Variants in RCAN3 observed in about 807,000 individuals in gnomAD.
The protein encoded by RCAN3 is calcipressin-3.
Under a neutral mutation model 21.9 loss-of-function variants are expected in RCAN3, and 19 were observed. The ratio of observed to expected loss-of-function variants is 0.87; its 90% CI spans 0.61 to 1.27. RCAN3 has a LOEUF of 1.27. Ranked by LOEUF, RCAN3 falls within the 50% of genes most tolerant of loss-of-function variation. The pLI is 0.00. For missense variants in RCAN3, 240 were observed against 300.1 expected (o/e 0.80, Z 1.48); for synonymous variants, 114 against 112.3 (o/e 1.01, Z -0.09).
At chr1:24,533,376 T>C in intron 4 of RCAN3, 122 bp downstream of exon 4, 1 of 726,438 alleles carries the variant, frequency 1.4e-6, no homozygotes. Flanking sequence ...CACACCTGGG[T>C]TCAGATTCCA....
intron 1 of RCAN3, among the ~76,000 whole-genome samples, chr1:24,504,610 T>A (rs146008936): frequency 6.6e-6 from 1 of 152,308 alleles, no homozygotes; most frequent in African/African-American, 2.4e-5. Flanking sequence ...TTATATGGTG[T>A]TAGAGTTGTT....
chr1:24,537,469 C>T lies in RCAN3; in HGVS notation c.*2192C>T, dbSNP rs543915296. On this transcript the variant is annotated 3_prime_UTR_variant, in exon 5 of 5. Coordinates refer to ENST00000374395, the MANE Select transcript of RCAN3 (RefSeq NM_013441.4). Reference sequence around the variant, plus strand: ...AAATGAACCAGGATCTTAACAGATACTATCATCGCTGTCCTTTTTTGGCTG... The same window carrying T: ...AAATGAACCAGGATCTTAACAGATATTATCATCGCTGTCCTTTTTTGGCTG... 1 of 152,198 alleles carries T rather than the reference C, an allele frequency of 6.6e-6. No homozygotes were observed. Among genetic ancestry groups the T allele is most frequent in the South Asian group, 2.1e-4 (1 of 4,828 alleles). The allele number at this position is 152,198 out of a possible 1,614,324, so 9.4% of individuals were successfully genotyped here. A position where few individuals can be genotyped will look rare whatever the true frequency, so the allele number is the denominator to read the frequency against.
In RCAN3 at chr1:24,531,817, C is replaced by T. The variant is rs559700793; in HGVS notation, c.369+426C>T. Among the ~76,000 whole-genome samples the T allele has an allele frequency of 2.0e-5, 3 of 152,274 alleles. No homozygotes were observed. The South Asian group carries it at 6.2e-4, about 32-fold the overall frequency. On this transcript the variant is annotated intron_variant, in intron 3 of 4. Coordinates refer to ENST00000374395, the MANE Select transcript of RCAN3 (RefSeq NM_013441.4). ...TTCATATGAGGAACCAGGGAGGTCA[C>T]GGAACTGTACAAAAGGGCTGTCTTC...
intron 2 of RCAN3, among the ~76,000 whole-genome samples, chr1:24,523,138 A>G (rs1030614032): frequency 1.3e-5 from 2 of 150,588 alleles, no homozygotes; most frequent in African/African-American, 4.9e-5. Flanking sequence ...ATCTCAGCTC[A>G]CTGCAACCTT....
At position 24,523,648 on chromosome 1, in the gene RCAN3, A is replaced by ATATAT. The variant is rs113786883; in HGVS notation, c.196-7569_196-7568insATATT. Among the ~76,000 whole-genome samples the ATATAT allele has an allele frequency of 1.4e-3, 193 of 139,800 alleles. 2 individuals carry two copies. Among genetic ancestry groups the ATATAT allele is most frequent in the African/African-American group, 5.2e-3 (170 of 32,426 alleles). The allele number at this position is 139,800 out of a possible 152,430, so 91.7% of individuals were successfully genotyped here. ...CACACACACACACACACACATATAT[A>ATATAT]TTTTTTTTCTTCAGATGGAGTCTCA... On this transcript the variant is annotated intron_variant, in intron 2 of 4. Coordinates refer to ENST00000374395, the MANE Select transcript of RCAN3 (RefSeq NM_013441.4).
At position 24,508,502 on chromosome 1, in the gene RCAN3, A is replaced by G. The variant is rs561698758; in HGVS notation, c.-60+5352A>G. On this transcript the variant is annotated intron_variant, in intron 1 of 4. Transcript: ENST00000374395. ...AAGTCACGCAGGAGAGAAAGATGAA[A>G]AAAGGATGAGGATGTGGAGAAAGAG... 2.9e-4 allele frequency among the ~76,000 whole-genome samples: 44 copies of G among 152,338 alleles called. 1 individual carries two copies. The South Asian group carries it at 7.9e-3, about 27-fold the overall frequency.
At chr1:24,523,992 G>A (rs577545587) in intron 2 of RCAN3, among the ~76,000 whole-genome samples, 3 of 152,238 alleles carry the variant, frequency 2.0e-5, no homozygotes, top group Admixed American at 6.5e-5. Context: ...TTGGGAGGCC[G>A]AGGTGGGTGG....
In RCAN3 at chr1:24,539,472, A is replaced by G. The variant is rs1274242163; in HGVS notation, c.*4195A>G. The stretch of plus-strand genomic sequence containing the variant: ...TTTATGTGGGCCTTCCCAGATTTTC[A>G]TATTAATGAAATGACTAATAGTCGT... On this transcript the variant is annotated 3_prime_UTR_variant, in exon 5 of 5. Transcript: ENST00000374395. 6.6e-6 allele frequency: 1 copy of G among 152,220 alleles called. No individual in the cohort carries two copies. The highest frequency in any genetic ancestry group is 6.5e-5 in the Admixed American group (1 of 15,280). 9.4% of individuals were successfully genotyped at this position (152,220 alleles called of 1,614,324 possible). A position where few individuals can be genotyped will look rare whatever the true frequency, so the allele number is the denominator to read the frequency against.
intron 2 of RCAN3, among the ~76,000 whole-genome samples, chr1:24,515,477 T>C (rs1196725688): frequency 6.6e-6 from 1 of 150,922 alleles, no homozygotes; most frequent in African/African-American, 2.5e-5. Flanking sequence ...TTGTTTTGTT[T>C]TTCCCCGTCA....
intron 2 of RCAN3, among the ~76,000 whole-genome samples, chr1:24,530,379 A>AAAAAAAAG (rs869086939): frequency 1.4e-5 from 2 of 143,050 alleles, no homozygotes; most frequent in African/African-American, 5.3e-5. Flanking sequence ...AAAAAAAAAA[A>AAAAAAAAG]GACAGTCACA....
intron 1 of RCAN3, among the ~76,000 whole-genome samples, chr1:24,513,389 G>C (rs556573036): frequency 6.6e-6 from 1 of 152,144 alleles, no homozygotes; most frequent in African/African-American, 2.4e-5. Context: ...GGATTGGCCA[G>C]ATGTGGTGGC....
At position 24,537,543 on chromosome 1, in the gene RCAN3, T is replaced by G. The variant is rs1412170321; in HGVS notation, c.*2266T>G. ...AATTTACAAGAGATAAGTCTCATGGTTTTTTTTTTCTTTTAATAGGCTTTT... is the reference window on the plus strand; with the variant it reads ...AATTTACAAGAGATAAGTCTCATGGGTTTTTTTTTCTTTTAATAGGCTTTT... On this transcript the variant is annotated 3_prime_UTR_variant, in exon 5 of 5. Coordinates refer to ENST00000374395, the MANE Select transcript of RCAN3 (RefSeq NM_013441.4). 1 of 149,370 alleles carries G rather than the reference T, an allele frequency of 6.7e-6. No individual in the cohort carries two copies. The highest frequency in any genetic ancestry group is 2.5e-5 in the African/African-American group (1 of 40,670). The allele number at this position is 149,370 out of a possible 1,614,324, so 9.3% of individuals were successfully genotyped here. A position where few individuals can be genotyped will look rare whatever the true frequency, so the allele number is the denominator to read the frequency against.
At position 24,537,948 on chromosome 1, in the gene RCAN3, T is replaced by TTTAGAAATCA. The variant is rs1204850714; in HGVS notation, c.*2673_*2682dup. On this transcript the variant is annotated 3_prime_UTR_variant, in exon 5 of 5. Coordinates refer to ENST00000374395, the MANE Select transcript of RCAN3 (RefSeq NM_013441.4). ...TTGATAGTATAGTAGCCATGTTTTC[T>TTTAGAAATCA]TTAGAAATCATAACCTCTTCATGGG... is the stretch of plus-strand genomic sequence containing the variant. 11 of 152,258 alleles carry TTTAGAAATCA rather than the reference T, an allele frequency of 7.2e-5. No individual in the cohort carries two copies. Among genetic ancestry groups the TTTAGAAATCA allele is most frequent in the Non-Finnish European group, 1.5e-4 (10 of 68,048 alleles). 9.4% of individuals were successfully genotyped at this position (152,258 alleles called of 1,614,324 possible). A position where few individuals can be genotyped will look rare whatever the true frequency, so the allele number is the denominator to read the frequency against.
chr1:24,537,899 C>CA lies in RCAN3; in HGVS notation c.*2632dup, dbSNP rs374218627. 22 of 145,538 alleles carry CA rather than the reference C, an allele frequency of 1.5e-4. No individual in the cohort carries two copies. Among genetic ancestry groups the CA allele is most frequent in the Middle Eastern group, 6.8e-3 (2 of 292 alleles). The allele number at this position is 145,538 out of a possible 1,614,324, so 9.0% of individuals were successfully genotyped here. A position where few individuals can be genotyped will look rare whatever the true frequency, so the allele number is the denominator to read the frequency against. On this transcript the variant is annotated 3_prime_UTR_variant, in exon 5 of 5. Transcript: ENST00000374395. ...CGGCAACAAGAGCGAAACTCCGTCT[C>CA]AAAAAAAAAAGATTTAACCCTGATT...
At position 24,539,241 on chromosome 1, in the gene RCAN3, A is replaced by T. The variant is rs1264791023; in HGVS notation, c.*3964A>T. ...ATACTAATTCCTGGCATCAGAAAAA[A>T]AAAAAGGCATGAGGTGGGAGGATTC... On this transcript the variant is annotated 3_prime_UTR_variant, in exon 5 of 5. Transcript: ENST00000374395. The T allele has an allele frequency of 6.6e-6, 1 of 152,108 alleles. No individual in the cohort carries two copies. Among genetic ancestry groups the T allele is most frequent in the Non-Finnish European group, 1.5e-5 (1 of 68,008 alleles). 9.4% of individuals were successfully genotyped at this position (152,108 alleles called of 1,614,324 possible). A position where few individuals can be genotyped will look rare whatever the true frequency, so the allele number is the denominator to read the frequency against.
chr1:24,526,673 AATATT>A (rs1234596065), intron 2 of RCAN3, among the ~76,000 whole-genome samples: 3 of 152,220 alleles, frequency 2.0e-5, no homozygotes, highest in African/African-American at 7.2e-5. Context: ...ACAAAGTACT[AATATT>A]TTATAAGCTA....
rs1184686358 is a variant in RCAN3 at position 24,531,212 on chromosome 1, T to C, written c.196-6T>C. The C allele has an allele frequency of 2.6e-6, 4 of 1,509,458 alleles. No individual in the cohort carries two copies. The African/African-American group carries it at 5.6e-5, about 21-fold the overall frequency. 93.5% of individuals were successfully genotyped at this position (1,509,458 alleles called of 1,614,324 possible). A position where few individuals can be genotyped will look rare whatever the true frequency, so the allele number is the denominator to read the frequency against. On this transcript the variant is annotated splice_polypyrimidine_tract_variant and splice_region_variant and intron_variant, in intron 2 of 4. Transcript: ENST00000374395. ...TTCCCTTTGCCTTGCTGCTCCTTAA[T>C]TGTAGGAAAGATTTGAAGCACTCTT...
intron 2 of RCAN3, among the ~76,000 whole-genome samples, chr1:24,521,091 A>G (rs567093034): frequency 6.6e-6 from 1 of 152,370 alleles, no homozygotes; most frequent in Admixed American, 6.5e-5. Context: ...ACAGTGTGGT[A>G]CTGGCATAAA....
chr1:24,530,608 A>G (rs1649684763), intron 2 of RCAN3, among the ~76,000 whole-genome samples: 1 of 152,226 alleles, frequency 6.6e-6, no homozygotes, highest in Admixed American at 6.5e-5. Flanking sequence ...GGACATCAGA[A>G]CAATAGCAGT....
Sources: gnomAD v4.1 joint callset for allele counts (sites outside exome capture counted in the v4.1 genomes callset) on GRCh38, gnomAD v4.1.1 for gene constraint, MANE v1.5 for transcripts, NCBI Gene and HGNC (gene_info 2026-07-23, HGNC 2026-07-21) for gene names.